Variants in MUC13 observed in about 807,000 individuals in gnomAD.
MUC13 encodes mucin 13, cell surface associated, also known as mucin-13.
MUC13 carries 32 observed loss-of-function variants against 48.3 expected under a neutral mutation model. The observed-to-expected ratio is 0.66, with a 90% CI of 0.50 to 0.89. The LOEUF (loss-of-function observed/expected upper bound fraction) is 0.89, where lower values mean the gene tolerates loss of function less well. Among genes scored for constraint, MUC13 ranks in the 40% least tolerant of loss-of-function variants. MUC13 has a pLI of 0.00. For synonymous variants in MUC13, 199 were observed against 224.9 expected (o/e 0.88, Z 1.03); for missense variants, 571 against 622.8 (o/e 0.92, Z 0.88).
intron 1 of MUC13, among the ~76,000 whole-genome samples, chr3:124,934,132 C>T (rs922502444): frequency 6.6e-6 from 1 of 152,168 alleles, no homozygotes; most frequent in African/African-American, 2.4e-5. Context: ...AGAGAAACCT[C>T]TGGTTTGCTG....
intron 1 of MUC13, among the ~76,000 whole-genome samples, chr3:124,932,716 T>C (rs951625594): frequency 2.0e-5 from 3 of 152,128 alleles, no homozygotes; most frequent in African/African-American, 7.2e-5. Flanking sequence ...CACTCTTCAG[T>C]ATAGGGATTT....
chr3:124,911,166 C>T (rs191002061), intron 9 of MUC13, among the ~76,000 whole-genome samples: 29 of 152,202 alleles, frequency 1.9e-4, no homozygotes, highest in Middle Eastern at 6.8e-3. Context: ...TAAAATCAAC[C>T]TCATCTGTTT....
intron 6 of MUC13, among the ~76,000 whole-genome samples, chr3:124,914,018 T>C (rs1935469365): frequency 6.6e-6 from 1 of 152,126 alleles, no homozygotes; most frequent in Admixed American, 6.5e-5. Context: ...GCCATGATCA[T>C]GCCACTGCAC....
At chr3:124,928,081 T>TA in intron 1 of MUC13, 88 bp from the exon 2 acceptor site, 80 of 952,160 alleles carry the variant, frequency 8.4e-5, no homozygotes, top group Middle Eastern at 3.3e-4. Flanking sequence ...TCCAACTCAT[T>TA]CTTTTTTTTT....
rs187657955 is a variant in MUC13 at position 124,926,760 on chromosome 3, C to A, written c.514+772G>T. On this transcript the variant is annotated intron_variant, in intron 2 of 11. Coordinates refer to ENST00000616727, the MANE Select transcript of MUC13 (RefSeq NM_033049.4). ...TGGTTCACGAGTCATATCTGACCAA[C>A]CTTTTGTTTGTTAACTGTGGCTGCT... Among the ~76,000 whole-genome samples, 1,503 of 152,300 alleles carry A rather than the reference C, an allele frequency of 9.9e-3. 24 individuals carry two copies. Among genetic ancestry groups the A allele is most frequent in the South Asian group, 0.037 (178 of 4,820 alleles).
intron 9 of MUC13, among the ~76,000 whole-genome samples, chr3:124,910,932 A>G (rs1308297876): frequency 1.3e-5 from 2 of 152,124 alleles, no homozygotes; most frequent in African/African-American, 2.4e-5. Flanking sequence ...AATAACATCA[A>G]TGAGGGAAGA....
chr3:124,930,176 G>C (rs777756122), intron 1 of MUC13, among the ~76,000 whole-genome samples: 15 of 152,220 alleles, frequency 9.9e-5, no homozygotes, highest in Non-Finnish European at 2.1e-4. Flanking sequence ...GGGACTTCTT[G>C]AGAGGTTTTT....
At chr3:124,923,412 G>T in intron 3 of MUC13, 115 bp downstream of exon 3, 1 of 1,150,618 alleles carries the variant, frequency 8.7e-7, no homozygotes, top group Admixed American at 2.4e-5. Flanking sequence ...TGTTGCCTCT[G>T]CATTTTCTTT....
intron 1 of MUC13, among the ~76,000 whole-genome samples, chr3:124,929,297 C>T (rs552799501): frequency 9.2e-5 from 14 of 152,122 alleles, no homozygotes; most frequent in Non-Finnish European, 1.5e-4. Context: ...CCACCTTGGC[C>T]GCCCAAGTGT....
In MUC13 at chr3:124,927,662, A is replaced by G; in HGVS notation, c.384T>C (p.Asp128=). Residue 128 remains aspartate (D), a synonymous_variant, in exon 2 of 12, where the codon GAT becomes GAC. Transcript: ENST00000616727. ...SDIITASSPN[D]GLITMVPSET... is the part of the protein sequence containing the mutation. The stretch of plus-strand genomic sequence containing the variant: ...CAGAAGGAACCATTGTGATTAATCC[A>G]TCATTTGGAGATGAAGCGGTGATTA... 6.2e-7 allele frequency: 1 copy of G among 1,614,228 alleles called. No homozygotes were observed. Among genetic ancestry groups the G allele is most frequent in the Non-Finnish European group, 8.5e-7 (1 of 1,180,036 alleles).
chr3:124,909,711 C>T (rs1935385065), intron 10 of MUC13, among the ~76,000 whole-genome samples: 1 of 151,988 alleles, frequency 6.6e-6, no homozygotes. Context: ...AAAACAACAA[C>T]CCAGGGGGTT....
intron 9 of MUC13, 93 bp downstream of exon 9, chr3:124,912,011 C>T: frequency 2.7e-6 from 4 of 1,509,404 alleles, no homozygotes; most frequent in South Asian, 1.3e-5. Flanking sequence ...AGGACAGAGA[C>T]TTTGAAGGAC....
intron 10 of MUC13, among the ~76,000 whole-genome samples, chr3:124,909,344 G>A (rs1389943722): frequency 6.6e-6 from 1 of 152,156 alleles, no homozygotes; most frequent in Admixed American, 6.5e-5. Context: ...AAAGATCACA[G>A]CATTTGCCTC....
chr3:124,907,741 G>T (rs542096532), intron 11 of MUC13, among the ~76,000 whole-genome samples: 1 of 152,182 alleles, frequency 6.6e-6, no homozygotes, highest in East Asian at 1.9e-4. Flanking sequence ...CTGGTGAAAA[G>T]GATCCCACAG....
At chr3:124,908,026 A>G (rs1935347123) in intron 11 of MUC13, 121 bp downstream of exon 11, 2 of 936,042 alleles carry the variant, frequency 2.1e-6, no homozygotes, top group East Asian at 5.3e-5. Flanking sequence ...CTCTCTTTCA[A>G]TTAAGAAAAA....
Position 124,906,257 on chromosome 3 carries a change from T to A in MUC13, c.*486A>T, listed in dbSNP as rs576769568. On this transcript the variant is annotated 3_prime_UTR_variant, in exon 12 of 12. Transcript: ENST00000616727. ...TATTCTGACTTGTCAGAGAGTGAGC[T>A]TGTGACCCTTGAAAGATGGTGGGTA... The A allele has an allele frequency of 6.5e-6, 1 of 152,804 alleles. No individual in the cohort carries two copies. Among genetic ancestry groups the A allele is most frequent in the South Asian group, 2.1e-4 (1 of 4,818 alleles). The allele number at this position is 152,804 out of a possible 1,614,324, so 9.5% of individuals were successfully genotyped here. A position where few individuals can be genotyped will look rare whatever the true frequency, so the allele number is the denominator to read the frequency against.
At chr3:124,912,862 G>T (rs1043559134) in intron 8 of MUC13, among the ~76,000 whole-genome samples, 1 of 151,430 alleles carries the variant, frequency 6.6e-6, no homozygotes, top group African/African-American at 2.4e-5. Context: ...CTTGAACCTG[G>T]GGGGTGGAGG....
In MUC13 at chr3:124,910,444, G is replaced by T. The variant is rs147595904; in HGVS notation, c.1308C>A (p.Ser436Arg). 9 of 1,614,052 alleles carry T rather than the reference G, an allele frequency of 5.6e-6. No individual in the cohort carries two copies. The highest frequency in any genetic ancestry group is 7.6e-6 in the Non-Finnish European group (9 of 1,179,974). Residue 436 changes from serine (S) to arginine (R), a missense_variant, in exon 10 of 12, where the codon AGC becomes AGA. Coordinates refer to ENST00000616727, the MANE Select transcript of MUC13 (RefSeq NM_033049.4). ...VGTIAGIVIL[S>R]MIIALIVTAR... Reference sequence around the variant, plus strand: ...CTGTGACAATCAATGCAATTATCATGCTGAGAATGACAATGCCAGCGATGG... The same window carrying T: ...CTGTGACAATCAATGCAATTATCATTCTGAGAATGACAATGCCAGCGATGG...
chr3:124,905,482 A>C lies in MUC13; in HGVS notation c.*1261T>G, dbSNP rs1935300426. 1 of 152,278 alleles carries C rather than the reference A, an allele frequency of 6.6e-6. No homozygotes were observed. The highest frequency in any genetic ancestry group is 1.5e-5 in the Non-Finnish European group (1 of 68,038). The allele number at this position is 152,278 out of a possible 1,614,324, so 9.4% of individuals were successfully genotyped here. On this transcript the variant is annotated 3_prime_UTR_variant, in exon 12 of 12. Coordinates refer to ENST00000616727, the MANE Select transcript of MUC13 (RefSeq NM_033049.4). ...GCACTTTATTGCATTACCATTCACA[A>C]TTAACAGTCAAGAACAAATAATAAT...
Sources: gnomAD v4.1 joint callset for allele counts (sites outside exome capture counted in the v4.1 genomes callset) on GRCh38, gnomAD v4.1.1 for gene constraint, MANE v1.5 for transcripts, NCBI Gene and HGNC (gene_info 2026-07-23, HGNC 2026-07-21) for gene names.